SPRY3: variants seen among roughly 807,000 people sequenced by gnomAD.
SPRY3 encodes protein sprouty homolog 3.
SPRY3 carries 15 observed loss-of-function variants against 20.2 expected under a neutral mutation model. The ratio of observed to expected loss-of-function variants is 0.74; its 90% CI spans 0.50 to 1.14. The LOEUF is 1.14. Ranked by LOEUF, SPRY3 falls within the 50% of genes most tolerant of loss-of-function variation. The pLI is 0.00. For missense variants in SPRY3, 364 were observed against 363.9 expected, an observed-to-expected ratio of 1.00 and a Z score of 0.00; for synonymous variants, 143 against 136.5, an observed-to-expected ratio of 1.05 and a Z score of -0.33.
At chrX:155,737,486 A>G (rs1027323214) in intron 2 of SPRY3, among the ~76,000 whole-genome samples, 12 of 152,188 alleles carry the variant, frequency 7.9e-5, no homozygotes, top group Admixed American at 6.5e-5. Flanking sequence ...ACAGAGTACT[A>G]TGTAAGAACA....
At chrX:155,778,148 C>T (rs898114086), downstream of SPRY3, 3 of 166,954 alleles carry the variant, frequency 1.8e-5, no homozygotes, top group Non-Finnish European at 4.4e-5. Context: ...AAGATTTGAA[C>T]CCAGGGTGTC....
At chrX:155,741,862 G>GA (rs1173149392) in intron 2 of SPRY3, among the ~76,000 whole-genome samples, 1 of 152,094 alleles carries the variant, frequency 6.6e-6, no homozygotes, top group East Asian at 1.9e-4. Context: ...ATATGGAAAG[G>GA]AAAAATCTTT....
At chrX:155,735,483 T>C (rs1379544479) in intron 2 of SPRY3, among the ~76,000 whole-genome samples, 1 of 152,040 alleles carries the variant, frequency 6.6e-6, no homozygotes, top group Non-Finnish European at 1.5e-5. Context: ...GCCTCATCTA[T>C]TTTAATGCTG....
At chrX:155,718,306 C>CA (rs1231453334) in intron 2 of SPRY3, among the ~76,000 whole-genome samples, 1 of 151,758 alleles carries the variant, frequency 6.6e-6, no homozygotes, top group East Asian at 1.9e-4. Flanking sequence ...AAAATCTTGA[C>CA]AAAAAAAGAT....
chrX:155,641,772 G>A (rs1003959801), intron 1 of SPRY3, among the ~76,000 whole-genome samples: 19 of 115,065 alleles, frequency 1.7e-4, no homozygotes, highest in African/African-American at 5.7e-4. Context: ...GTGTTTACAA[G>A]GAATCGGAAT....
At chrX:155,646,297 T>G (rs2067957504) in intron 1 of SPRY3, among the ~76,000 whole-genome samples, 1 of 112,190 alleles carries the variant, frequency 8.9e-6, no homozygotes, top group Admixed American at 9.5e-5. Context: ...CATCTAAACT[T>G]TAGGATTGTT....
In SPRY3 at chrX:155,628,214, C is replaced by T. The variant is rs149391677; in HGVS notation, c.-441+15567C>T. 1.6e-4 allele frequency among the ~76,000 whole-genome samples: 18 copies of T among 112,050 alleles called. No individual in the cohort carries two copies. In the East Asian group the frequency reaches 5.0e-3, roughly 31 times the overall value. ...GGTCAAATGGTATTTCTGGTTCTAG[C>T]TCCTTGAGGAATTGCCACACCGTCT... On this transcript the variant is annotated intron_variant, in intron 1 of 3. Transcript: ENST00000675360.
intron 2 of SPRY3, among the ~76,000 whole-genome samples, chrX:155,754,090 T>C (rs1222584822): frequency 6.6e-6 from 1 of 152,018 alleles, no homozygotes; most frequent in Non-Finnish European, 1.5e-5. Context: ...GTTTTGATTT[T>C]GAAGAAACGT....
intron 2 of SPRY3, among the ~76,000 whole-genome samples, chrX:155,686,158 C>A (rs1167731336): frequency 9.0e-6 from 1 of 111,106 alleles, no homozygotes; most frequent in Non-Finnish European, 1.9e-5. Context: ...TTTGCTGATA[C>A]CTTCTTTTTT....
At chrX:155,774,890 T>A (rs1293746590) in exon 4 of SPRY3, 4 of 834,108 alleles carry the variant, frequency 4.8e-6, no homozygotes, top group African/African-American at 1.7e-5. Context: ...ACCAAGTACA[T>A]CCTGGTGCAG....
chrX:155,612,794 G>C (rs1316489424), intron 1 of SPRY3, 147 bp downstream of exon 1: 4 of 112,216 alleles, frequency 3.6e-5, no homozygotes, highest in African/African-American at 1.3e-4. Context: ...GAACCCACCT[G>C]TGCTGGAGGT....
chrX:155,774,475 G>A, exon 4 of SPRY3: 2 of 1,613,998 alleles, frequency 1.2e-6, no homozygotes, highest in Non-Finnish European at 1.7e-6. Context: ...CTCCACTGAT[G>A]ATGAAGACAA....
At chrX:155,619,629 G>A (rs188145243) in intron 1 of SPRY3, among the ~76,000 whole-genome samples, 2 of 110,940 alleles carry the variant, frequency 1.8e-5, no homozygotes, top group African/African-American at 6.5e-5. Flanking sequence ...ATGATCTTGT[G>A]TTAGGCAATT....
At chrX:155,774,762 G>A (rs1404711808) in exon 4 of SPRY3, 8 of 1,591,530 alleles carry the variant, frequency 5.0e-6, no homozygotes, top group Non-Finnish European at 6.8e-6. Flanking sequence ...TGGATCCAGA[G>A]CTTTTCTCCT....
chrX:155,740,214 C>T (rs1245434886), intron 2 of SPRY3, among the ~76,000 whole-genome samples: 1 of 152,144 alleles, frequency 6.6e-6, no homozygotes, highest in Non-Finnish European at 1.5e-5. Flanking sequence ...CTCAGGACCA[C>T]TATTGTGTTA....
chrX:155,615,000 T>A (rs1325167230), intron 1 of SPRY3, among the ~76,000 whole-genome samples: 8 of 111,790 alleles, frequency 7.2e-5, no homozygotes, highest in African/African-American at 2.6e-4. Context: ...CATTTGTCCC[T>A]CACTGTACTG....
At chrX:155,616,100 GTCTCTCTC>G (rs781921618) in intron 1 of SPRY3, among the ~76,000 whole-genome samples, 5 of 42,890 alleles carry the variant, frequency 1.2e-4, no homozygotes, top group East Asian at 8.5e-4. Flanking sequence ...TTTATCTGGG[GTCTCTCTC>G]TCTCTCTCTC....
chrX:155,746,928 A>G (rs1246044882), intron 2 of SPRY3, among the ~76,000 whole-genome samples: 1 of 151,818 alleles, frequency 6.6e-6, no homozygotes, highest in African/African-American at 2.4e-5. Context: ...TTCTGTCTGT[A>G]TTTCCATTTA....
chrX:155,767,833 G>T (rs189727341), intron 2 of SPRY3, 129 bp from the exon 2 acceptor site: 24 of 152,574 alleles, frequency 1.6e-4, no homozygotes, highest in Admixed American at 1.4e-3. Context: ...CGTCCATCAA[G>T]ATTTAGATCT....
Sources: allele counts gnomAD v4.1 joint callset (sites outside exome capture counted in the v4.1 genomes callset), GRCh38; gene constraint gnomAD v4.1.1; transcripts MANE v1.5; gene names NCBI Gene and HGNC (gene_info 2026-07-23, HGNC 2026-07-21).